Variants in EYS observed in about 807,000 individuals in gnomAD.
The protein encoded by EYS is protein eyes shut homolog.
Under a neutral mutation model 282.1 loss-of-function variants are expected in EYS, and 250 were observed. The ratio of observed to expected loss-of-function variants is 0.89; its 90% CI spans 0.80 to 0.98. EYS has a LOEUF of 0.98. Among genes scored for constraint, EYS ranks in the 50% least tolerant of loss-of-function variants. EYS has a pLI of 0.00. For synonymous variants in EYS, 1,355 were observed against 1,282.9 expected (o/e 1.06, Z -1.20); for missense variants, 4,016 against 3,709.0 (o/e 1.08, Z -2.15).
chr6:64,787,805 GGGGAGAATTTGC>G (rs1774070701), intron 22 of EYS, among the ~76,000 whole-genome samples: 1 of 149,582 alleles, frequency 6.7e-6, no homozygotes, highest in Admixed American at 6.7e-5. Flanking sequence ...CTTTTCTTTG[GGGGAGAATTTGC>G]TTTCTGGGAA....
chr6:63,938,412 A>C (rs1318579760), intron 35 of EYS, among the ~76,000 whole-genome samples: 1 of 152,206 alleles, frequency 6.6e-6, no homozygotes, highest in East Asian at 1.9e-4. Context: ...AATTGTAACT[A>C]ACTTCTGGAT....
intron 24 of EYS, among the ~76,000 whole-genome samples, chr6:64,597,730 G>C (rs637152): frequency 0.12 from 18,377 of 147,618 alleles, 1,171 homozygotes; most frequent in East Asian, 0.17. Flanking sequence ...ACATGGGGGG[G>C]TAAATAATGA....
chr6:64,064,291 G>T (rs961418757), intron 33 of EYS, among the ~76,000 whole-genome samples: 1 of 152,006 alleles, frequency 6.6e-6, no homozygotes, highest in African/African-American at 2.4e-5. Flanking sequence ...TACAAGTAGA[G>T]TAAGAAACAT....
At chr6:65,241,367 G>A (rs1383781991) in intron 12 of EYS, among the ~76,000 whole-genome samples, 2 of 152,054 alleles carry the variant, frequency 1.3e-5, no homozygotes, top group Non-Finnish European at 2.9e-5. Context: ...TTGTGCCCCT[G>A]TGTTAAGTAT....
At chr6:63,852,973 G>T (rs1772298957) in intron 36 of EYS, among the ~76,000 whole-genome samples, 1 of 152,110 alleles carries the variant, frequency 6.6e-6, no homozygotes, top group African/African-American at 2.4e-5. Context: ...AGGTATTGAT[G>T]GAACATATCT....
intron 5 of EYS, among the ~76,000 whole-genome samples, chr6:65,422,551 A>G (rs1767505485): frequency 6.6e-6 from 1 of 151,882 alleles, no homozygotes; most frequent in Non-Finnish European, 1.5e-5. Flanking sequence ...CAAATGCCCA[A>G]TAAACATGCA....
intron 31 of EYS, among the ~76,000 whole-genome samples, chr6:64,141,045 C>G (rs1038941655): frequency 3.3e-5 from 5 of 152,094 alleles, no homozygotes; most frequent in Non-Finnish European, 5.9e-5. Flanking sequence ...TTTAAAGATG[C>G]ATTTCATTGG....
chr6:64,344,693 G>T (rs1771298509), intron 29 of EYS, among the ~76,000 whole-genome samples: 1 of 151,950 alleles, frequency 6.6e-6, no homozygotes, highest in South Asian at 2.1e-4. Context: ...TGGAAGTTCT[G>T]GCCAGGGCAA....
chr6:65,029,246 T>C (rs567782327), intron 13 of EYS, among the ~76,000 whole-genome samples: 1 of 152,148 alleles, frequency 6.6e-6, no homozygotes, highest in Admixed American at 6.5e-5. Context: ...GAAATCAAGA[T>C]CTAGGTGATC....
intron 5 of EYS, among the ~76,000 whole-genome samples, chr6:65,464,215 C>T (rs1320207676): frequency 6.6e-6 from 1 of 151,960 alleles, no homozygotes; most frequent in Non-Finnish European, 1.5e-5. Flanking sequence ...TACATACAAC[C>T]AAGATCACAG....
At chr6:63,813,819 A>G (rs1771109729) in intron 36 of EYS, among the ~76,000 whole-genome samples, 1 of 152,174 alleles carries the variant, frequency 6.6e-6, no homozygotes, top group South Asian at 2.1e-4. Flanking sequence ...CTTCCCTTGG[A>G]AACTGCTGAT....
At chr6:65,543,618 T>A (rs904775577) in intron 2 of EYS, among the ~76,000 whole-genome samples, 1 of 151,968 alleles carries the variant, frequency 6.6e-6, no homozygotes, top group Non-Finnish European at 1.5e-5. Context: ...TGCTTTGTAA[T>A]CACTTCAATC....
chr6:65,253,771 T>G (rs1767388327), intron 12 of EYS, among the ~76,000 whole-genome samples: 1 of 151,844 alleles, frequency 6.6e-6, no homozygotes, highest in Non-Finnish European at 1.5e-5. Context: ...GAGTGCTACT[T>G]CAAAACAGTA....
chr6:65,147,580 C>G (rs1256084036), intron 12 of EYS, among the ~76,000 whole-genome samples: 1 of 151,960 alleles, frequency 6.6e-6, no homozygotes, highest in Non-Finnish European at 1.5e-5. Context: ...TAAATCTAAT[C>G]ATATCTTGAT....
At chr6:64,620,567 G>T (rs2149852258) in intron 23 of EYS, among the ~76,000 whole-genome samples, 1 of 152,264 alleles carries the variant, frequency 6.6e-6, no homozygotes, top group East Asian at 1.9e-4. Context: ...CATGGGAGTG[G>T]ATACTGAGTG....
intron 30 of EYS, among the ~76,000 whole-genome samples, chr6:64,260,914 T>C (rs907308292): frequency 6.6e-6 from 1 of 151,964 alleles, no homozygotes; most frequent in Non-Finnish European, 1.5e-5. Context: ...ACATAATAGG[T>C]ATATATATTT....
intron 41 of EYS, among the ~76,000 whole-genome samples, chr6:63,741,191 C>T (rs1291612767): frequency 3.3e-5 from 5 of 152,138 alleles, no homozygotes; most frequent in African/African-American, 1.2e-4. Context: ...TTCTAAATTA[C>T]ACAAACTTCA....
At chr6:63,876,308 C>G (rs528594090) in intron 35 of EYS, among the ~76,000 whole-genome samples, 15 of 152,296 alleles carry the variant, frequency 9.8e-5, no homozygotes, top group African/African-American at 3.6e-4. Flanking sequence ...ATCCTGTGTT[C>G]TGGTTTGATT....
chr6:65,610,329 A>G (rs1031491018), intron 2 of EYS, among the ~76,000 whole-genome samples: 1 of 151,936 alleles, frequency 6.6e-6, no homozygotes, highest in Non-Finnish European at 1.5e-5. Flanking sequence ...TCAGATTTGC[A>G]TGACCTCAAA....
Sources: allele counts gnomAD v4.1 joint callset (sites outside exome capture counted in the v4.1 genomes callset), GRCh38; gene constraint gnomAD v4.1.1; transcripts MANE v1.5; gene names NCBI Gene and HGNC (gene_info 2026-07-23, HGNC 2026-07-21).